ULK2: variants seen among roughly 807,000 people sequenced by gnomAD.
ULK2 encodes the protein unc-51 like autophagy activating kinase 2, also known as serine/threonine-protein kinase ULK2.
In ULK2, 76 loss-of-function variants were observed where a neutral mutation model predicts 127.5. The observed-to-expected ratio is 0.60, with a 90% CI of 0.50 to 0.72. The LOEUF (loss-of-function observed/expected upper bound fraction) is 0.72, where lower values mean the gene tolerates loss of function less well. ULK2 is among the 30% of genes least tolerant of loss of function. The probability of loss-of-function intolerance (pLI) is 0.00; values close to 1 mark genes in which losing one functional copy is unlikely to be tolerated. For synonymous variants in ULK2, 452 were observed against 461.9 expected, an observed-to-expected ratio of 0.98 and a Z score of 0.28; for missense variants, 1,144 against 1,295.9, an observed-to-expected ratio of 0.88 and a Z score of 1.80.
chr17:19,841,589 CA>C, intron 8 of ULK2, 42 bp from the exon 9 acceptor site: 1 of 1,441,982 alleles, frequency 6.9e-7, no homozygotes. Context: ...ACAATGGGGG[CA>C]AAACTTTCAA....
intron 3 of ULK2, among the ~76,000 whole-genome samples, chr17:19,856,497 A>G (rs281328): frequency 0.11 from 16,004 of 151,086 alleles, 1,579 homozygotes; most frequent in East Asian, 0.39. Context: ...CAGGAGAATG[A>G]GGGGAACCTG....
chr17:19,835,679 T>C (rs1335266690), intron 10 of ULK2, among the ~76,000 whole-genome samples: 4 of 149,360 alleles, frequency 2.7e-5, no homozygotes, highest in Non-Finnish European at 5.9e-5. Context: ...ATCCCGCCAC[T>C]GCACTCCAGC....
At position 19,797,380 on chromosome 17, in the gene ULK2, G is replaced by A. The variant is rs1311707307; in HGVS notation, c.1809+16C>T. On this transcript the variant is annotated intron_variant, in intron 18 of 26. Coordinates refer to ENST00000395544, the MANE Select transcript of ULK2 (RefSeq NM_014683.4). ...TATACCAGTTCCTGACCTACAAAAG[G>A]GTTTAATAAACAAACCTTAGTAGGA... is the stretch of plus-strand genomic sequence containing the variant. 4.4e-6 allele frequency: 7 copies of A among 1,604,654 alleles called. No individual in the cohort carries two copies. Among genetic ancestry groups the A allele is most frequent in the Non-Finnish European group, 6.0e-6 (7 of 1,175,892 alleles).
At chr17:19,826,671 A>C (rs779237781) in intron 10 of ULK2, among the ~76,000 whole-genome samples, 3 of 151,964 alleles carry the variant, frequency 2.0e-5, no homozygotes, top group Non-Finnish European at 4.4e-5. Context: ...AAGAGAAAAA[A>C]CTGGCCGGGT....
chr17:19,864,537 T>C (rs1405067445), intron 3 of ULK2, among the ~76,000 whole-genome samples: 1 of 152,108 alleles, frequency 6.6e-6, no homozygotes. Flanking sequence ...CTAGATCTGG[T>C]ATCAACAGTC....
intron 3 of ULK2, among the ~76,000 whole-genome samples, chr17:19,862,501 G>A (rs1424726888): frequency 1.4e-5 from 2 of 146,908 alleles, no homozygotes; most frequent in Non-Finnish European, 3.0e-5. Context: ...AGTTTCGCTC[G>A]TTACCCCAGG....
chr17:19,867,696 C>A lies in ULK2; in HGVS notation c.-279G>T, dbSNP rs887849401. 4.1e-5 allele frequency: 8 copies of A among 197,174 alleles called. No individual in the cohort carries two copies. Among genetic ancestry groups the A allele is most frequent in the Non-Finnish European group, 6.1e-5 (6 of 98,642 alleles). The allele number at this position is 197,174 out of a possible 1,614,324, so 12.2% of individuals were successfully genotyped here. On this transcript the variant is annotated 5_prime_UTR_variant, in exon 1 of 27. Transcript: ENST00000395544. ...TCTGGCGAAGCGGCCTCGGCGCTGC[C>A]GGGCCAGGGGTGCCGTCACCGTCAC...
chr17:19,841,398 T>C, intron 9 of ULK2, 91 bp downstream of exon 9: 1 of 1,294,322 alleles, frequency 7.7e-7, no homozygotes, highest in Non-Finnish European at 1.1e-6. Flanking sequence ...TGAAAAAGAA[T>C]TAAAAAATGA....
At chr17:19,829,228 T>C (rs2041370047) in intron 10 of ULK2, among the ~76,000 whole-genome samples, 2 of 152,052 alleles carry the variant, frequency 1.3e-5, no homozygotes, top group Non-Finnish European at 1.5e-5. Context: ...AAAACTGTTA[T>C]AAAAGACAAA....
intron 1 of ULK2, 95 bp downstream of exon 1, chr17:19,867,233 G>A (rs2042371629): frequency 1.3e-5 from 13 of 995,984 alleles, no homozygotes; most frequent in Non-Finnish European, 1.8e-5. Context: ...GGCTAGCCGA[G>A]TCGGGGGTCT....
intron 10 of ULK2, among the ~76,000 whole-genome samples, chr17:19,831,789 T>C (rs986779875): frequency 6.6e-6 from 1 of 152,010 alleles, no homozygotes; most frequent in African/African-American, 2.4e-5. Context: ...ACTGTGCCAC[T>C]GCACTCCAGC....
intron 1 of ULK2, among the ~76,000 whole-genome samples, chr17:19,866,904 G>A (rs1299977548): frequency 6.6e-6 from 1 of 152,146 alleles, no homozygotes; most frequent in East Asian, 1.9e-4. Context: ...AGGCTAATGG[G>A]ACATCCGCCC....
At chr17:19,792,159 TAAAG>T (rs933483049) in intron 20 of ULK2, among the ~76,000 whole-genome samples, 1 of 151,968 alleles carries the variant, frequency 6.6e-6, no homozygotes, top group African/African-American at 2.4e-5. Context: ...CAATGCATCT[TAAAG>T]AACTACAAAA....
intron 20 of ULK2, among the ~76,000 whole-genome samples, chr17:19,790,009 T>C (rs889612958): frequency 2.0e-5 from 3 of 150,408 alleles, no homozygotes; most frequent in African/African-American, 7.3e-5. Flanking sequence ...TTTCAAGACA[T>C]AGACAGTACA....
At position 19,826,704 on chromosome 17, in the gene ULK2, C is replaced by G. The variant is rs7221728; in HGVS notation, c.788-518G>C. On this transcript the variant is annotated intron_variant, in intron 10 of 26. Transcript: ENST00000395544. ...GGTGTGGTGGCTCACGCCCGTAAGC[C>G]CAGCACTTTGGGAGGCCGAGGCAGG... Among the ~76,000 whole-genome samples the G allele has an allele frequency of 7.7e-3, 1,177 of 152,284 alleles. 15 individuals are homozygous for G. The highest frequency in any genetic ancestry group is 0.026 in the African/African-American group (1,091 of 41,558).
intron 3 of ULK2, among the ~76,000 whole-genome samples, chr17:19,852,378 G>A (rs147666991): frequency 2.6e-4 from 39 of 150,934 alleles, no homozygotes; most frequent in African/African-American, 9.2e-4. Flanking sequence ...AAAGTTAGCT[G>A]GGCATGGTGG....
intron 12 of ULK2, among the ~76,000 whole-genome samples, chr17:19,818,658 C>T (rs2041055088): frequency 6.6e-6 from 1 of 152,134 alleles, no homozygotes; most frequent in South Asian, 2.1e-4. Context: ...AACAACTCCC[C>T]TCGGCTCCTG....
rs897645961 is a variant in ULK2, at chr17:19,779,027, C to A, written c.2917-1311G>T. ...TTTATCATATGAGGTCTCAACTCAG[C>A]ATACAGTGATGCAGTGCATATTATT... On this transcript the variant is annotated intron_variant, in intron 25 of 26. Coordinates refer to ENST00000395544, the MANE Select transcript of ULK2 (RefSeq NM_014683.4). 2.6e-5 allele frequency among the ~76,000 whole-genome samples: 4 copies of A among 152,276 alleles called. No individual in the cohort carries two copies. The South Asian group carries it at 6.2e-4, about 24-fold the overall frequency.
intron 1 of ULK2, 48 bp from the exon 2 acceptor site, chr17:19,865,876 A>T: frequency 1.7e-6 from 2 of 1,179,190 alleles, no homozygotes; most frequent in African/African-American, 1.6e-5. Context: ...CCACATAAAT[A>T]ACAGAAAAAA....
Sources: gnomAD v4.1 joint callset for allele counts (sites outside exome capture counted in the v4.1 genomes callset) on GRCh38, gnomAD v4.1.1 for gene constraint, MANE v1.5 for transcripts, NCBI Gene and HGNC (gene_info 2026-07-23, HGNC 2026-07-21) for gene names.